Variants in ANO7 observed in about 807,000 individuals in gnomAD.
ANO7 encodes anoctamin-7.
In ANO7, 114 loss-of-function variants were observed where a neutral mutation model predicts 115.8. The observed-to-expected ratio is 0.98, with a 90% CI of 0.85 to 1.15. ANO7 has a LOEUF of 1.15. Among genes scored for constraint, ANO7 ranks in the 50% most tolerant of loss-of-function variants. The pLI, the probability that ANO7 is intolerant of heterozygous loss-of-function variation, is 0.00. For synonymous variants in ANO7, 550 were observed against 498.2 expected (o/e 1.10, Z -1.38); for missense variants, 1,302 against 1,201.2 (o/e 1.08, Z -1.24).
At chr2:241,230,406 G>T, downstream of ANO7, 1 of 642,830 alleles carries the variant, frequency 1.6e-6, no homozygotes, top group Non-Finnish European at 2.7e-6. The surrounding 1 kb of genome is among the most constrained non-coding windows in gnomAD (Gnocchi z 5.0). Context: ...TCTGAAGTCA[G>T]TCAGCCTCAT....
At chr2:241,223,051 G>A (rs1276458182) in intron 21 of ANO7, 135 bp from the exon 22 acceptor site, 9 of 777,938 alleles carry the variant, frequency 1.2e-5, no homozygotes, top group Non-Finnish European at 1.7e-5. Flanking sequence ...AGGCACCCTC[G>A]ATGAAGAGCC....
intron 3 of ANO7, 44 bp downstream of exon 3, chr2:241,191,295 A>T (rs1381093261): frequency 6.2e-7 from 1 of 1,609,296 alleles, no homozygotes; most frequent in Non-Finnish European, 8.5e-7. Context: ...GTTGGTCCTG[A>T]GGGTGGGGAC....
rs537399613 is a variant in ANO7 at position 241,223,262 on chromosome 2, G to A, written c.2398G>A (p.Val800Ile). 1.9e-5 allele frequency: 30 copies of A among 1,614,200 alleles called. No homozygotes were observed. Among genetic ancestry groups the A allele is most frequent in the Admixed American group, 5.0e-5 (3 of 60,030 alleles). Residue 800 changes from valine to isoleucine, a missense_variant, in exon 22 of 25, where the codon GTC becomes ATC. By Grantham distance (29) the Val-to-Ile change is conservative. Transcript: ENST00000674324. ...WNLLAIRLAF[V>I]IVFEHVVFSV... ...TCTTCTTGCCATCCGCCTGGCCTTCGTCATTGTGTTTGAGGTAGCCGAGGC... is the reference window on the plus strand; with the variant it reads ...TCTTCTTGCCATCCGCCTGGCCTTCATCATTGTGTTTGAGGTAGCCGAGGC...
chr2:241,202,937 G>T lies in ANO7; in HGVS notation c.724-396G>T, dbSNP rs2068505406. 2.0e-5 allele frequency among the ~76,000 whole-genome samples: 3 copies of T among 152,164 alleles called. No individual in the cohort carries two copies. The South Asian group carries it at 6.2e-4, about 32-fold the overall frequency. Reference sequence around the variant, plus strand: ...GAAAAAGTGGGTGTGGAAATGCCAGGTGTCCCACCTTGCTGGGGTGGCTCC... The same window carrying T: ...GAAAAAGTGGGTGTGGAAATGCCAGTTGTCCCACCTTGCTGGGGTGGCTCC... On this transcript the variant is annotated intron_variant, in intron 8 of 24. Coordinates refer to ENST00000674324, the MANE Select transcript of ANO7 (RefSeq NM_001370694.2).
the ANO7 span, chr2:241,236,732 G>A: frequency 6.7e-5 from 108 of 1,614,088 alleles, no homozygotes; most frequent in East Asian, 5.1e-4. Context: ...CCCCAGCTTC[G>A]TCCCCATTCT....
chr2:241,238,471 G>A, the ANO7 span: 2 of 479,074 alleles, frequency 4.2e-6, no homozygotes, highest in African/African-American at 3.9e-5. This position sits in a 1 kb window ranked among gnomAD's most constrained non-coding sequence, Gnocchi z 4.9. Context: ...GTCAGTAACT[G>A]ACGTGGTCCA....
In ANO7 at chr2:241,212,643, C is replaced by T. The variant is rs770910955; in HGVS notation, c.1728+17C>T. 2.1e-5 allele frequency: 34 copies of T among 1,609,112 alleles called. No homozygotes were observed. Among genetic ancestry groups the T allele is most frequent in the Non-Finnish European group, 2.8e-5 (33 of 1,177,520 alleles). ...AATGAGGAGGTGAGTGTGCCTGAGG[C>T]CCGGGACTGGGGGATGAGCTGTGTG... On this transcript the variant is annotated intron_variant, in intron 17 of 24. Transcript: ENST00000674324.
chr2:241,210,354 C>T lies in ANO7; in HGVS notation c.1419C>T (p.Ile473=), dbSNP rs373492939. 74 of 1,613,956 alleles carry T rather than the reference C, an allele frequency of 4.6e-5. No individual in the cohort carries two copies. Among genetic ancestry groups the T allele is most frequent in the African/African-American group, 2.0e-4 (15 of 74,952 alleles). The change falls in exon 14 of 25, where the codon ATC becomes ATT. Residue 473 remains isoleucine, a synonymous_variant. Transcript: ENST00000674324. Reference sequence around the variant, plus strand: ...TCCTGTACCGTGCCATCATGGCCATCGTGGTGTCCAGGTCGGGCAACACCC... The same window carrying T: ...TCCTGTACCGTGCCATCATGGCCATTGTGGTGTCCAGGTCGGGCAACACCC... ...SIILYRAIMA[I]VVSRSGNTLL...
At position 241,190,034 on chromosome 2, in the gene ANO7, C is replaced by A. The variant is rs200080175; in HGVS notation, c.-7-23C>A. The A allele has an allele frequency of 2.6e-6, 4 of 1,544,722 alleles. No individual in the cohort carries two copies. In the African/African-American group the frequency reaches 4.1e-5, roughly 16 times the overall value. ...CCCATCCCCTCTCTGACCCCCATCC[C>A]CACCCGGCCTTGCTGGGTGCAGGAG... On this transcript the variant is annotated intron_variant, in intron 1 of 24. Coordinates refer to ENST00000674324, the MANE Select transcript of ANO7 (RefSeq NM_001370694.2).
intron 4 of ANO7, among the ~76,000 whole-genome samples, chr2:241,198,118 C>T (rs777374144): frequency 6.6e-6 from 1 of 152,166 alleles, no homozygotes; most frequent in Non-Finnish European, 1.5e-5. Context: ...GTTAGTCCTG[C>T]GTCCGACTCC....
At chr2:241,204,987 T>C (rs938109311) in intron 10 of ANO7, 32 bp downstream of exon 10, 12 of 1,588,992 alleles carry the variant, frequency 7.6e-6, no homozygotes, top group Non-Finnish European at 8.6e-6. Context: ...CTCTGGGGCC[T>C]GGTGCTGGGC....
chr2:241,194,349 C>T (rs1014550975), intron 3 of ANO7, among the ~76,000 whole-genome samples: 1 of 150,220 alleles, frequency 6.7e-6, no homozygotes, highest in African/African-American at 2.5e-5. Context: ...CTCTGTTGCC[C>T]TGTTGCCCAG....
chr2:241,210,249 G>A (rs756662807), intron 13 of ANO7, 46 bp from the exon 14 acceptor site: 1 of 1,594,420 alleles, frequency 6.3e-7, no homozygotes, highest in South Asian at 1.1e-5. Context: ...GTGCTGGGGT[G>A]CCCAAGACAC....
chr2:241,208,817 G>A (rs1336543263), intron 11 of ANO7, among the ~76,000 whole-genome samples: 1 of 152,196 alleles, frequency 6.6e-6, no homozygotes, highest in Non-Finnish European at 1.5e-5. Context: ...GCCGTCCTGA[G>A]GCAAAATTCC....
intron 22 of ANO7, 50 bp from the exon 23 acceptor site, chr2:241,223,612 A>C (rs774260569): frequency 8.8e-6 from 14 of 1,596,842 alleles, no homozygotes; most frequent in Non-Finnish European, 1.2e-5. Context: ...GGCCCTGTGA[A>C]GGCCACTCTG....
downstream of ANO7, chr2:241,230,216 C>T: frequency 6.2e-7 from 1 of 1,613,218 alleles, no homozygotes; most frequent in Non-Finnish European, 8.5e-7. This position sits in a 1 kb window ranked among gnomAD's most constrained non-coding sequence, Gnocchi z 5.0. Flanking sequence ...GGAGCCCCGT[C>T]ACAGTGACGC....
chr2:241,229,784 G>GGGGGCC, downstream of ANO7: 6 of 1,502,542 alleles, frequency 4.0e-6, no homozygotes, highest in Non-Finnish European at 4.6e-6. Context: ...AAGCCCGCCT[G>GGGGGCC]CCCGCCCACC....
At chr2:241,210,646 A>C in intron 15 of ANO7, 76 bp downstream of exon 15, 5 of 1,148,246 alleles carry the variant, frequency 4.4e-6, no homozygotes, top group Non-Finnish European at 6.6e-6. Flanking sequence ...TGACTTTCTC[A>C]CTCACTGACA....
the ANO7 span, among the ~76,000 whole-genome samples, chr2:241,238,998 C>G: frequency 6.6e-6 from 1 of 152,126 alleles, no homozygotes. This position sits in a 1 kb window ranked among gnomAD's most constrained non-coding sequence, Gnocchi z 4.9. Context: ...GAAATGTGTC[C>G]CAGAAGGCCA....
Sources: gnomAD v4.1 joint callset for allele counts (sites outside exome capture counted in the v4.1 genomes callset) on GRCh38, gnomAD v4.1.1 for gene constraint, Gnocchi (gnomAD v3.1) non-coding constraint, MANE v1.5 for transcripts, NCBI Gene and HGNC (gene_info 2026-07-23, HGNC 2026-07-21) for gene names.